TC2N: variants seen among roughly 807,000 people sequenced by gnomAD.
TC2N encodes tandem C2 domains, nuclear, also known as tandem C2 domains nuclear protein.
TC2N carries 51 observed loss-of-function variants against 61.9 expected under a neutral mutation model. The observed-to-expected ratio is 0.82, with a 90% CI of 0.66 to 1.04. The LOEUF is 1.04. Among genes scored for constraint, TC2N ranks in the 50% least tolerant of loss-of-function variants. TC2N has a pLI of 0.00. For synonymous variants in TC2N, 204 were observed against 192.6 expected (o/e 1.06, Z -0.49); for missense variants, 556 against 566.7 (o/e 0.98, Z 0.19).
intron 1 of TC2N, among the ~76,000 whole-genome samples, chr14:91,830,737 T>A (rs1003463921): frequency 2.6e-5 from 4 of 151,834 alleles, no homozygotes; most frequent in Admixed American, 6.5e-5. Context: ...AATGATTTTT[T>A]AAATTTACAT....
At chr14:91,838,146 C>CT (rs11406325) in intron 1 of TC2N, among the ~76,000 whole-genome samples, 11,745 of 131,754 alleles carry the variant, frequency 0.089, 1,162 homozygotes, top group African/African-American at 0.23. Flanking sequence ...TCATTTGTTC[C>CT]TTTTTTTTTT....
At chr14:91,816,797 G>T (rs1441168552) in intron 1 of TC2N, among the ~76,000 whole-genome samples, 10 of 151,788 alleles carry the variant, frequency 6.6e-5, no homozygotes, top group Admixed American at 6.6e-4. Flanking sequence ...CCACTTACAG[G>T]ATGCTCCCTT....
chr14:91,823,535 AG>A (rs1555371172), intron 1 of TC2N, among the ~76,000 whole-genome samples: 4 of 5,908 alleles, frequency 6.8e-4, no homozygotes, highest in Admixed American at 7.1e-3. Context: ...AAAAAAAAAA[AG>A]AAAAAAGAAA....
At chr14:91,853,493 G>A (rs898005913) in intron 1 of TC2N, among the ~76,000 whole-genome samples, 13 of 152,154 alleles carry the variant, frequency 8.5e-5, no homozygotes, top group African/African-American at 3.1e-4. Context: ...GCAGACCCAG[G>A]TAAGTGATTA....
At chr14:91,858,873 A>C (rs1384958924) in intron 1 of TC2N, among the ~76,000 whole-genome samples, 1 of 152,158 alleles carries the variant, frequency 6.6e-6, no homozygotes, top group Non-Finnish European at 1.5e-5. Context: ...AACTGTGGCC[A>C]TCCCATTCCA....
At chr14:91,803,997 G>A (rs7150509) in intron 3 of TC2N, among the ~76,000 whole-genome samples, 12,653 of 152,046 alleles carry the variant, frequency 0.083, 1,125 homozygotes, top group African/African-American at 0.22. Flanking sequence ...AATACATGAG[G>A]AACACCTACA....
At chr14:91,850,295 A>G (rs1888348899) in intron 1 of TC2N, among the ~76,000 whole-genome samples, 1 of 152,174 alleles carries the variant, frequency 6.6e-6, no homozygotes, top group Non-Finnish European at 1.5e-5. Flanking sequence ...TTGCATTTCT[A>G]ATGTCTACTT....
chr14:91,826,334 A>AG (rs397944362), intron 1 of TC2N, among the ~76,000 whole-genome samples: 11 of 149,842 alleles, frequency 7.3e-5, no homozygotes, highest in African/African-American at 1.2e-4. Context: ...AAAAAAAAAA[A>AG]GCAGGAAAAA....
chr14:91,811,481 CAA>C (rs1886765900), intron 3 of TC2N, among the ~76,000 whole-genome samples: 1 of 151,672 alleles, frequency 6.6e-6, no homozygotes, highest in African/African-American at 2.4e-5. Context: ...AAAAACAAGA[CAA>C]GAGCTACATG....
chr14:91,795,368 C>G (rs549618594), intron 8 of TC2N, among the ~76,000 whole-genome samples: 19 of 152,244 alleles, frequency 1.2e-4, no homozygotes, highest in African/African-American at 4.1e-4. Context: ...AACAGCATCA[C>G]ATACTACAGG....
chr14:91,817,826 T>C (rs1369036136), intron 1 of TC2N, among the ~76,000 whole-genome samples: 1 of 152,016 alleles, frequency 6.6e-6, no homozygotes, highest in African/African-American at 2.4e-5. Context: ...GAGAGAAAAG[T>C]TTATATGAAT....
Position 91,781,650 on chromosome 14 carries a change from A to C in TC2N, c.*1450T>G, listed in dbSNP as rs1477160990. ...GTGATTTATCTTAAAAATCCATGTG[A>C]GTACTGACCTATATGTCATTTTTTG... is the stretch of plus-strand genomic sequence containing the variant. On this transcript the variant is annotated 3_prime_UTR_variant, in exon 12 of 12. Transcript: ENST00000435962. The C allele has an allele frequency of 1.3e-5, 2 of 152,174 alleles. No individual in the cohort carries two copies. Among genetic ancestry groups the C allele is most frequent in the African/African-American group, 2.4e-5 (1 of 41,466 alleles). The allele number at this position is 152,174 out of a possible 1,614,324, so 9.4% of individuals were successfully genotyped here.
chr14:91,805,306 T>C (rs1886458165), intron 3 of TC2N, among the ~76,000 whole-genome samples: 1 of 152,228 alleles, frequency 6.6e-6, no homozygotes, highest in Admixed American at 6.5e-5. Flanking sequence ...TAAATATTTT[T>C]GTATAGCTGC....
chr14:91,827,748 T>A (rs181182541), intron 1 of TC2N, among the ~76,000 whole-genome samples: 59 of 152,342 alleles, frequency 3.9e-4, no homozygotes, highest in Admixed American at 3.7e-3. Context: ...ATAAACTCAA[T>A]TTCCTTTTAT....
chr14:91,795,080 G>A (rs1188029039), intron 8 of TC2N, among the ~76,000 whole-genome samples: 1 of 152,134 alleles, frequency 6.6e-6, no homozygotes, highest in East Asian at 1.9e-4. Context: ...GGTGGAAACA[G>A]CAAGAGAACT....
chr14:91,835,802 C>A (rs1004807164), intron 1 of TC2N, among the ~76,000 whole-genome samples: 1 of 152,318 alleles, frequency 6.6e-6, no homozygotes, highest in East Asian at 1.9e-4. Flanking sequence ...CTCATCAGAC[C>A]CCGCCAGGGA....
chr14:91,815,465 T>C (rs1886964802), intron 1 of TC2N, among the ~76,000 whole-genome samples: 1 of 151,682 alleles, frequency 6.6e-6, no homozygotes. Context: ...AAAGGAAGTC[T>C]ATTTTACATT....
intron 1 of TC2N, among the ~76,000 whole-genome samples, chr14:91,854,127 AG>A (rs1475214417): frequency 5.3e-5 from 8 of 152,098 alleles, no homozygotes; most frequent in African/African-American, 1.7e-4. Context: ...TAAGTTAAAT[AG>A]GTTTTTCCAG....
chr14:91,859,003 T>C (rs1888539390), intron 1 of TC2N, among the ~76,000 whole-genome samples: 1 of 152,126 alleles, frequency 6.6e-6, no homozygotes, highest in African/African-American at 2.4e-5. Context: ...AACATCCTAG[T>C]GATTAGTGAG....
Sources: gnomAD v4.1 joint callset for allele counts (sites outside exome capture counted in the v4.1 genomes callset) on GRCh38, gnomAD v4.1.1 for gene constraint, MANE v1.5 for transcripts, NCBI Gene and HGNC (gene_info 2026-07-23, HGNC 2026-07-21) for gene names.